ZNF385B: variants seen among roughly 807,000 people sequenced by gnomAD.
The protein encoded by ZNF385B is zinc finger protein 533.
ZNF385B carries 23 observed loss-of-function variants against 39.2 expected under a neutral mutation model. That is an observed-to-expected ratio of 0.59 (90% CI 0.42 to 0.83). ZNF385B has a LOEUF of 0.83. Ranked by LOEUF, ZNF385B falls within the 40% of genes least tolerant of loss-of-function variation. The pLI is 0.00. For missense variants in ZNF385B, 552 were observed against 598.9 expected (o/e 0.92, Z 0.82); for synonymous variants, 205 against 222.6 (o/e 0.92, Z 0.70).
intron 3 of ZNF385B, among the ~76,000 whole-genome samples, chr2:179,617,368 T>C (rs946404546): frequency 7.9e-5 from 12 of 152,192 alleles, no homozygotes; most frequent in African/African-American, 2.9e-4. Flanking sequence ...AAAGGAAGAA[T>C]AGTGTGTGTT....
chr2:179,853,156 G>GA (rs1684315454), intron 1 of ZNF385B, among the ~76,000 whole-genome samples: 1 of 152,002 alleles, frequency 6.6e-6, no homozygotes, highest in Non-Finnish European at 1.5e-5. Flanking sequence ...ATCAAATTTA[G>GA]ATGTGAAAAC....
rs1038690357 is a variant in ZNF385B, at chr2:179,551,132, T to A, written c.299-6163A>T. Among the ~76,000 whole-genome samples the A allele has an allele frequency of 2.0e-5, 3 of 152,190 alleles. No individual in the cohort carries two copies. The South Asian group carries it at 6.2e-4, about 32-fold the overall frequency. The stretch of plus-strand genomic sequence containing the variant: ...ATAGTATATAATCTGGTATATATCA[T>A]AATGAATAAAGTCATAATGAATAAA... On this transcript the variant is annotated intron_variant, in intron 3 of 9. Transcript: ENST00000410066.
At chr2:179,857,136 C>A (rs1238336625) in intron 1 of ZNF385B, among the ~76,000 whole-genome samples, 1 of 152,182 alleles carries the variant, frequency 6.6e-6, no homozygotes, top group African/African-American at 2.4e-5. Flanking sequence ...TTAAGAAGCA[C>A]TGGTTCTACT....
chr2:179,531,455 G>A (rs1244742112), intron 4 of ZNF385B, among the ~76,000 whole-genome samples: 1 of 151,906 alleles, frequency 6.6e-6, no homozygotes, highest in Admixed American at 6.6e-5. Context: ...GGCCAACATG[G>A]CAAAACCCCA....
rs1453353127 is a variant in ZNF385B, at chr2:179,770,548, A to G, written c.-30T>C. On this transcript the variant is annotated 5_prime_UTR_variant, in exon 2 of 10. It removes the in-frame stop codon of an upstream open reading frame in the 5' UTR. Coordinates refer to ENST00000410066, the MANE Select transcript of ZNF385B (RefSeq NM_152520.6). The stretch of plus-strand genomic sequence containing the variant: ...TGGGTTGTGTTCTAAAAGTCCCTTT[A>G]TAAGTCAGCTGACAGGAATTTGGAC... 1 of 152,238 alleles carries G rather than the reference A, an allele frequency of 6.6e-6. No homozygotes were observed. Among genetic ancestry groups the G allele is most frequent in the East Asian group, 1.9e-4 (1 of 5,196 alleles). The allele number at this position is 152,238 out of a possible 1,614,324, so 9.4% of individuals were successfully genotyped here.
chr2:179,709,735 G>A (rs968744466), intron 3 of ZNF385B, among the ~76,000 whole-genome samples: 4 of 152,202 alleles, frequency 2.6e-5, no homozygotes, highest in African/African-American at 9.6e-5. Context: ...GAGGCCTCCA[G>A]GCCCTTGCCA....
rs1405766005 is a variant in ZNF385B, at chr2:179,553,570, A to C, written c.299-8601T>G. Among the ~76,000 whole-genome samples the C allele has an allele frequency of 3.4e-5, 5 of 148,868 alleles. 1 individual carries two copies. Among genetic ancestry groups the C allele is most frequent in the Non-Finnish European group, 7.4e-5 (5 of 67,456 alleles). On this transcript the variant is annotated intron_variant, in intron 3 of 9. Coordinates refer to ENST00000410066, the MANE Select transcript of ZNF385B (RefSeq NM_152520.6). The stretch of plus-strand genomic sequence containing the variant: ...TATTATTCCCATTTTACAGATGAGA[A>C]AGGTGAGGTTTAGAGTGATTAAAAT...
intron 3 of ZNF385B, among the ~76,000 whole-genome samples, chr2:179,585,633 G>A (rs1450561166): frequency 6.6e-6 from 1 of 152,140 alleles, no homozygotes; most frequent in Non-Finnish European, 1.5e-5. Flanking sequence ...GAATTGAGAG[G>A]TTTCAGTATG....
At chr2:179,471,989 A>G (rs2052824261) in intron 6 of ZNF385B, among the ~76,000 whole-genome samples, 1 of 152,184 alleles carries the variant, frequency 6.6e-6, no homozygotes, top group Non-Finnish European at 1.5e-5. Flanking sequence ...TTTCATTGAT[A>G]CGAATGCTAC....
chr2:179,452,988 A>G (rs180785580), intron 6 of ZNF385B, among the ~76,000 whole-genome samples: 122 of 152,258 alleles, frequency 8.0e-4, no homozygotes, highest in Admixed American at 2.4e-3. Context: ...TAGCATTATG[A>G]TATTTTGGTA....
intron 3 of ZNF385B, among the ~76,000 whole-genome samples, chr2:179,611,474 G>A (rs1486883928): frequency 2.0e-5 from 3 of 152,104 alleles, no homozygotes; most frequent in South Asian, 2.1e-4. Flanking sequence ...CTGCATCCAC[G>A]TTTATCAGGA....
At chr2:179,766,586 T>C (rs949515161) in intron 3 of ZNF385B, among the ~76,000 whole-genome samples, 1 of 152,140 alleles carries the variant, frequency 6.6e-6, no homozygotes, top group Non-Finnish European at 1.5e-5. Context: ...CTGTATCTCT[T>C]CTCACATCAT....
At chr2:179,595,789 C>T (rs1003183673) in intron 3 of ZNF385B, among the ~76,000 whole-genome samples, 2 of 150,740 alleles carry the variant, frequency 1.3e-5, no homozygotes, top group African/African-American at 2.4e-5. Context: ...ACATTAGGCA[C>T]GTTATCGCAC....
At chr2:179,659,158 G>A (rs1694166820) in intron 3 of ZNF385B, among the ~76,000 whole-genome samples, 1 of 152,180 alleles carries the variant, frequency 6.6e-6, no homozygotes, top group South Asian at 2.1e-4. Context: ...ACTGTTCGAA[G>A]TATAATCACT....
chr2:179,664,969 A>C (rs1694962448), intron 3 of ZNF385B, among the ~76,000 whole-genome samples: 1 of 152,200 alleles, frequency 6.6e-6, no homozygotes, highest in African/African-American at 2.4e-5. Flanking sequence ...CTATGAAAAA[A>C]ATTTTAAACA....
intron 3 of ZNF385B, among the ~76,000 whole-genome samples, chr2:179,685,502 G>A (rs573340026): frequency 1.3e-5 from 2 of 152,242 alleles, no homozygotes; most frequent in South Asian, 4.2e-4. Flanking sequence ...CAGCATCACT[G>A]CCCTCCTAAT....
chr2:179,567,407 T>C (rs1259967763), intron 3 of ZNF385B, among the ~76,000 whole-genome samples: 3 of 152,176 alleles, frequency 2.0e-5, no homozygotes, highest in Non-Finnish European at 4.4e-5. Flanking sequence ...TTATGGTAAA[T>C]TGAAAAGTGG....
At chr2:179,680,967 T>C (rs985873219) in intron 3 of ZNF385B, among the ~76,000 whole-genome samples, 13 of 152,194 alleles carry the variant, frequency 8.5e-5, no homozygotes, top group South Asian at 4.1e-4. Context: ...ATCTAGAAAG[T>C]GGCAGTGTTA....
At chr2:179,486,332 T>A (rs1470456935) in intron 5 of ZNF385B, among the ~76,000 whole-genome samples, 1 of 152,162 alleles carries the variant, frequency 6.6e-6, no homozygotes, top group African/African-American at 2.4e-5. Context: ...GTTAAATAAC[T>A]TATAAAAAGC....
Sources: gnomAD v4.1 joint callset for allele counts (sites outside exome capture counted in the v4.1 genomes callset) on GRCh38, gnomAD v4.1.1 for gene constraint, MANE v1.5 for transcripts, NCBI Gene and HGNC (gene_info 2026-07-23, HGNC 2026-07-21) for gene names.